The following ZNF18 variants were observed in gnomAD, a reference collection of about 807,000 sequenced individuals.
ZNF18 encodes zinc finger protein 18, also known as heart development-specific gene 1 protein.
ZNF18 carries 42 observed loss-of-function variants against 58.1 expected under a neutral mutation model. That is an observed-to-expected ratio of 0.72 (90% CI 0.56 to 0.93). ZNF18 has a LOEUF of 0.93. Among genes scored for constraint, ZNF18 ranks in the 40% least tolerant of loss-of-function variants. ZNF18 has a pLI of 0.00. For missense variants in ZNF18, 540 were observed against 644.2 expected, an observed-to-expected ratio of 0.84 and a Z score of 1.75; for synonymous variants, 231 against 239.8, an observed-to-expected ratio of 0.96 and a Z score of 0.34.
intron 1 of ZNF18, among the ~76,000 whole-genome samples, chr17:11,995,365 G>A (rs1968405765): frequency 6.8e-6 from 1 of 146,238 alleles, no homozygotes; most frequent in South Asian, 2.2e-4. Flanking sequence ...AGTGAGCCGA[G>A]ATCACACCAC....
upstream of ZNF18, among the ~76,000 whole-genome samples, chr17:11,998,054 C>CTT (rs1567612004): frequency 8.4e-6 from 1 of 118,704 alleles, no homozygotes; most frequent in Non-Finnish European, 1.9e-5. Flanking sequence ...GTCTCTCTCT[C>CTT]TTCTCTCTCT....
chr17:12,015,101 A>G, the ZNF18 span, among the ~76,000 whole-genome samples: 4 of 152,198 alleles, frequency 2.6e-5, no homozygotes, highest in Non-Finnish European at 5.9e-5. Flanking sequence ...GGTGAATTAT[A>G]TGGTATATGA....
At position 11,978,246 on chromosome 17, in the gene ZNF18, T is replaced by C; in HGVS notation, c.1361A>G (p.His454Arg). 6.2e-7 allele frequency: 1 copy of C among 1,613,508 alleles called. No individual in the cohort carries two copies. Among genetic ancestry groups the C allele is most frequent in the South Asian group, 1.1e-5 (1 of 91,060 alleles). ...AFLRSSDFVK[H>R]QRTHTGEKPC... The stretch of plus-strand genomic sequence containing the variant: ...CTTCTCTCCCGTGTGAGTTCTCTGA[T>C]GCTTCACAAAGTCTGAACTCCGCAG... The change falls in exon 7 of 7, where the codon CAT (histidine) becomes CGT (arginine). Residue 454 changes from histidine to arginine, a missense_variant. Transcript: ENST00000580306.
chr17:11,992,730 G>T lies in ZNF18; in HGVS notation c.100C>A (p.Leu34Ile). The T allele has an allele frequency of 6.2e-7, 1 of 1,614,260 alleles. No homozygotes were observed. The highest frequency in any genetic ancestry group is 8.5e-7 in the Non-Finnish European group (1 of 1,180,050). The change falls in exon 2 of 7, where the codon CTC becomes ATC. Residue 34 changes from leucine (L) to isoleucine (I), a missense_variant. Physicochemically the swap from Leu to Ile is conservative, Grantham distance 5. Coordinates refer to ENST00000580306, the MANE Select transcript of ZNF18 (RefSeq NM_001303281.2). ...TGGCGTGCGGTCTCAGGGCTGGAGA[G>T]TTCCTCTTGAAGGGCAGCATCTGAT... Reference protein sequence around the residue: ...SESDAALQEELSSPETARQLF... With the variant: ...SESDAALQEEISSPETARQLF...
the ZNF18 span, among the ~76,000 whole-genome samples, chr17:12,019,538 T>C: frequency 6.6e-6 from 1 of 152,120 alleles, no homozygotes; most frequent in Non-Finnish European, 1.5e-5. Flanking sequence ...TTGAAGATAT[T>C]GGGCAGCCAA....
chr17:11,983,193 T>A (rs1178447526), intron 6 of ZNF18, 104 bp downstream of exon 6: 1 of 773,706 alleles, frequency 1.3e-6, no homozygotes, highest in Non-Finnish European at 2.2e-6. Context: ...ACCAACGTAA[T>A]AGAATATTCT....
At chr17:12,002,516 A>G in the ZNF18 span, 6 of 152,322 alleles carry the variant, frequency 3.9e-5, no homozygotes, top group Non-Finnish European at 8.8e-5. Context: ...TTGTAGAGAT[A>G]AGAAAATCGA....
At chr17:12,016,416 G>A in the ZNF18 span, among the ~76,000 whole-genome samples, 2 of 151,948 alleles carry the variant, frequency 1.3e-5, no homozygotes, top group East Asian at 1.9e-4. Context: ...TGCAACCTCC[G>A]CCTCCTGGGT....
chr17:11,990,816 T>G (rs754826782), intron 3 of ZNF18, among the ~76,000 whole-genome samples, 158 bp downstream of exon 3: 3 of 152,188 alleles, frequency 2.0e-5, no homozygotes, highest in Non-Finnish European at 4.4e-5. Flanking sequence ...AACACAGACT[T>G]TGACTCTCCA....
the ZNF18 span, among the ~76,000 whole-genome samples, chr17:12,002,649 G>A: frequency 6.6e-6 from 1 of 152,140 alleles, no homozygotes; most frequent in Non-Finnish European, 1.5e-5. Flanking sequence ...ATTTGTCCCA[G>A]GATAAAGTAG....
At chr17:12,020,838 T>G in the ZNF18 span, 1 of 880,678 alleles carries the variant, frequency 1.1e-6, no homozygotes, top group Non-Finnish European at 1.5e-6. Flanking sequence ...GAGGCCGAGC[T>G]TGCTGCATTG....
chr17:12,017,809 G>A, the ZNF18 span, among the ~76,000 whole-genome samples: 2 of 151,952 alleles, frequency 1.3e-5, no homozygotes, highest in Non-Finnish European at 2.9e-5. Context: ...CCCAGGAAGC[G>A]GAGGTTGCAG....
At chr17:12,002,451 A>C (rs1968676012), upstream of ZNF18, 1 of 152,150 alleles carries the variant, frequency 6.6e-6, no homozygotes, top group South Asian at 2.1e-4. Flanking sequence ...TTAATTAGGG[A>C]AAAAAATAGT....
chr17:12,011,803 T>A, the ZNF18 span, among the ~76,000 whole-genome samples: 1 of 146,918 alleles, frequency 6.8e-6, no homozygotes, highest in Admixed American at 7.1e-5. Context: ...CAAGTTCAAG[T>A]GATTCTCCTG....
chr17:12,002,857 C>T, the ZNF18 span, among the ~76,000 whole-genome samples: 4 of 152,156 alleles, frequency 2.6e-5, no homozygotes, highest in East Asian at 7.7e-4. Context: ...GTGAAAGGAA[C>T]CTGGGCATCA....
At chr17:11,994,535 A>G (rs531600251) in intron 1 of ZNF18, among the ~76,000 whole-genome samples, 2 of 152,292 alleles carry the variant, frequency 1.3e-5, no homozygotes, top group East Asian at 1.9e-4. Flanking sequence ...TAGACAAAAT[A>G]TTATTAAGAA....
the ZNF18 span, chr17:12,020,939 GC>G: frequency 8.2e-7 from 1 of 1,216,492 alleles, no homozygotes; most frequent in Non-Finnish European, 1.0e-6. Context: ...GGCAGCGGCA[GC>G]GGCACCCCCG....
chr17:11,997,732 T>A (rs1039266307), upstream of ZNF18, among the ~76,000 whole-genome samples: 2 of 152,234 alleles, frequency 1.3e-5, no homozygotes, highest in African/African-American at 2.4e-5. Flanking sequence ...ATTGCGCACC[T>A]ATTCTGTGCC....
Position 11,978,176 on chromosome 17 carries a change from T to C in ZNF18, c.1431A>G (p.Ser477=). The C allele has an allele frequency of 6.2e-7, 1 of 1,614,130 alleles. No individual in the cohort carries two copies. The highest frequency in any genetic ancestry group is 1.1e-5 in the South Asian group (1 of 91,078). The change falls in exon 7 of 7, where the codon TCA becomes TCG. Residue 477 remains serine (S), a synonymous_variant. Coordinates refer to ENST00000580306, the MANE Select transcript of ZNF18 (RefSeq NM_001303281.2). The stretch of plus-strand genomic sequence containing the variant: ...GGATTTTCTCGTGGTGGCGCAATCC[T>C]GAGAAGTCACTAAAGCCTTTCCCAC... ...DYCGKGFSDF[S]GLRHHEKIHT...
Sources: gnomAD v4.1 joint callset for allele counts (sites outside exome capture counted in the v4.1 genomes callset) on GRCh38, gnomAD v4.1.1 for gene constraint, MANE v1.5 for transcripts, NCBI Gene and HGNC (gene_info 2026-07-23, HGNC 2026-07-21) for gene names.